IQGAP2: variants seen among roughly 807,000 people sequenced by gnomAD.
IQGAP2 encodes IQ motif containing GTPase activating protein 2, also known as ras GTPase-activating-like protein IQGAP2.
In IQGAP2, 173 loss-of-function variants were observed where a neutral mutation model predicts 201.3. That is an observed-to-expected ratio of 0.86 (90% CI 0.76 to 0.98). The LOEUF (loss-of-function observed/expected upper bound fraction) is 0.98. Among genes scored for constraint, IQGAP2 ranks in the 50% least tolerant of loss-of-function variants. IQGAP2 has a pLI of 0.00. For missense variants in IQGAP2, 1,687 were observed against 1,864.8 expected, an observed-to-expected ratio of 0.90 and a Z score of 1.76; for synonymous variants, 675 against 673.9, an observed-to-expected ratio of 1.00 and a Z score of -0.03.
chr5:76,510,906 C>A, intron 2 of IQGAP2: 1 of 337,482 alleles, frequency 3.0e-6, no homozygotes, highest in Non-Finnish European at 5.8e-6. Flanking sequence ...CTGGGCACCC[C>A]TCTCACCAGC....
chr5:76,509,029 A>ATATG (rs368437689), intron 2 of IQGAP2, among the ~76,000 whole-genome samples: 4 of 148,852 alleles, frequency 2.7e-5, no homozygotes, highest in East Asian at 2.0e-4. Flanking sequence ...CTGTATATAT[A>ATATG]TGTGTGTGTG....
At chr5:76,609,289 C>T in intron 12 of IQGAP2, 1 of 1,486,512 alleles carries the variant, frequency 6.7e-7, no homozygotes, top group African/African-American at 1.4e-5. Flanking sequence ...ATATTCCATG[C>T]ACTCCAGTTT....
chr5:76,692,983 C>T (rs535142946), intron 30 of IQGAP2, among the ~76,000 whole-genome samples: 3 of 152,348 alleles, frequency 2.0e-5, no homozygotes, highest in Admixed American at 2.0e-4. Context: ...TATTAGATAT[C>T]ATTCCTGCAC....
chr5:76,703,394 G>A (rs1367873809), intron 35 of IQGAP2, among the ~76,000 whole-genome samples: 2 of 152,080 alleles, frequency 1.3e-5, no homozygotes, highest in Non-Finnish European at 2.9e-5. Context: ...GGGCTCAAGT[G>A]ATCTGCCTGG....
chr5:76,556,037 A>C (rs1743921107), intron 2 of IQGAP2, among the ~76,000 whole-genome samples: 1 of 152,158 alleles, frequency 6.6e-6, no homozygotes, highest in Non-Finnish European at 1.5e-5. Context: ...TTTAGGACAC[A>C]TACACAAGGA....
intron 8 of IQGAP2, among the ~76,000 whole-genome samples, chr5:76,590,814 T>A (rs1485668560): frequency 6.6e-6 from 1 of 152,148 alleles, no homozygotes; most frequent in African/African-American, 2.4e-5. Context: ...AGTCCAGGCA[T>A]GGTGGCTCAT....
chr5:76,690,579 G>C (rs1746178454), intron 30 of IQGAP2, among the ~76,000 whole-genome samples: 1 of 152,120 alleles, frequency 6.6e-6, no homozygotes, highest in Non-Finnish European at 1.5e-5. Flanking sequence ...AATGGAATGT[G>C]CCAATATTGT....
At chr5:76,502,447 A>AT (rs1343025539) in intron 2 of IQGAP2, among the ~76,000 whole-genome samples, 1 of 152,124 alleles carries the variant, frequency 6.6e-6, no homozygotes, top group Non-Finnish European at 1.5e-5. Flanking sequence ...CACTACTGGG[A>AT]TTTTTTCAAA....
In IQGAP2 at chr5:76,695,435, C is replaced by A; in HGVS notation, c.3994-19C>A. The A allele has an allele frequency of 1.9e-6, 3 of 1,605,356 alleles. No homozygotes were observed. Among genetic ancestry groups the A allele is most frequent in the Non-Finnish European group, 2.6e-6 (3 of 1,172,142 alleles). On this transcript the variant is annotated intron_variant, in intron 31 of 35. Transcript: ENST00000274364. ...TAGGGGATCAGAGAAAACTCAGCAT[C>A]TTGATATTCTCTTTTCAGGAGGTAG... is the stretch of plus-strand genomic sequence containing the variant.
Position 76,626,270 on chromosome 5 carries a change from C to CTTTTTTTTTTTTTTTTTTT in IQGAP2, c.1522-1139_1522-1121dup, listed in dbSNP as rs34251090. Among the ~76,000 whole-genome samples, 58 of 83,656 alleles carry CTTTTTTTTTTTTTTTTTTT rather than the reference C, an allele frequency of 6.9e-4. 1 individual carries two copies. Among genetic ancestry groups the CTTTTTTTTTTTTTTTTTTT allele is most frequent in the African/African-American group, 7.9e-4 (16 of 20,174 alleles). 54.9% of individuals were successfully genotyped at this position (83,656 alleles called of 152,430 possible). ...TTCTTTTTCTTTTTTTTCTTCTTTT[C>CTTTTTTTTTTTTTTTTTTT]TTTTTTTTTTTTTTTTTTTGTGAGA... On this transcript the variant is annotated intron_variant, in intron 13 of 35. Transcript: ENST00000274364.
chr5:76,420,894 A>G (rs1174307966), intron 1 of IQGAP2, among the ~76,000 whole-genome samples: 2 of 152,358 alleles, frequency 1.3e-5, no homozygotes, highest in East Asian at 3.9e-4. Context: ...ATGTCATAGC[A>G]TGTATCCGTA....
At chr5:76,640,904 G>A in intron 16 of IQGAP2, 29 bp from the exon 17 acceptor site, 1 of 1,531,952 alleles carries the variant, frequency 6.5e-7, no homozygotes, top group South Asian at 1.2e-5. Context: ...GATGTGTGAA[G>A]TGTAACCATA....
At chr5:76,558,491 G>GCAGT (rs2150247584) in intron 2 of IQGAP2, among the ~76,000 whole-genome samples, 1 of 152,298 alleles carries the variant, frequency 6.6e-6, no homozygotes, top group Admixed American at 6.5e-5. Context: ...TTGGTCTAGA[G>GCAGT]CAGTGGCTCT....
intron 2 of IQGAP2, among the ~76,000 whole-genome samples, chr5:76,496,958 T>C (rs1041528195): frequency 1.3e-5 from 2 of 151,954 alleles, no homozygotes; most frequent in African/African-American, 4.8e-5. Context: ...GCCTCCTGAG[T>C]AGCTGGGATT....
intron 2 of IQGAP2, among the ~76,000 whole-genome samples, chr5:76,508,906 C>G (rs1757775287): frequency 6.6e-6 from 1 of 151,984 alleles, no homozygotes; most frequent in East Asian, 1.9e-4. Context: ...TGCATACAGC[C>G]CCTACATGTA....
At chr5:76,638,147 A>T (rs1217218907) in intron 16 of IQGAP2, among the ~76,000 whole-genome samples, 2 of 152,224 alleles carry the variant, frequency 1.3e-5, no homozygotes, top group Non-Finnish European at 2.9e-5. Context: ...TTGGGGGAAC[A>T]TTTGTTATTT....
At chr5:76,419,519 G>A (rs1751604380) in intron 1 of IQGAP2, among the ~76,000 whole-genome samples, 1 of 152,028 alleles carries the variant, frequency 6.6e-6, no homozygotes, top group Non-Finnish European at 1.5e-5. Flanking sequence ...TGTATTTTTA[G>A]TAGATACAGG....
At chr5:76,509,406 T>A (rs1757818951) in intron 2 of IQGAP2, among the ~76,000 whole-genome samples, 1 of 152,006 alleles carries the variant, frequency 6.6e-6, no homozygotes, top group South Asian at 2.1e-4. Context: ...TTGTCCTTTT[T>A]TTTTTTTTGA....
At chr5:76,645,037 C>T (rs1290013433) in intron 17 of IQGAP2, among the ~76,000 whole-genome samples, 1 of 151,866 alleles carries the variant, frequency 6.6e-6, no homozygotes, top group African/African-American at 2.4e-5. Context: ...GTGTGATGTT[C>T]CCCTCCCTGT....
Sources: allele counts gnomAD v4.1 joint callset (sites outside exome capture counted in the v4.1 genomes callset), GRCh38; gene constraint gnomAD v4.1.1; transcripts MANE v1.5; gene names NCBI Gene and HGNC (gene_info 2026-07-23, HGNC 2026-07-21).